The following CCDC201 variants were observed in gnomAD, a reference collection of about 807,000 sequenced individuals.
The protein encoded by CCDC201 is coiled-coil domain-containing protein 201.
intron 1 of CCDC201, among the ~76,000 whole-genome samples, chr7:45,871,433 T>C (rs1211410566): frequency 6.6e-6 from 1 of 152,132 alleles, no homozygotes; most frequent in African/African-American, 2.4e-5. Flanking sequence ...ATCACATTGT[T>C]CACCAAGATA....
At chr7:45,864,704 T>C (rs938287304) in intron 2 of CCDC201, among the ~76,000 whole-genome samples, 4 of 151,270 alleles carry the variant, frequency 2.6e-5, no homozygotes, top group East Asian at 2.0e-4. Context: ...CAAGCCAGGG[T>C]AAAGAACATG....
At chr7:45,873,671 A>G (rs1423407482), upstream of CCDC201, among the ~76,000 whole-genome samples, 1 of 152,222 alleles carries the variant, frequency 6.6e-6, no homozygotes. Flanking sequence ...CACGAATGAA[A>G]GGCAACACGT....
At chr7:45,860,707 G>C (rs553818820) in exon 3 of CCDC201, 2 of 152,188 alleles carry the variant, frequency 1.3e-5, no homozygotes, top group African/African-American at 4.8e-5. Context: ...CTGTCCCCAA[G>C]AATTTGGAAA....
At chr7:45,875,439 CAA>C (rs34636507), upstream of CCDC201, among the ~76,000 whole-genome samples, 8,656 of 104,942 alleles carry the variant, frequency 0.082, 234 homozygotes, top group African/African-American at 0.099. Context: ...AGGCTTCAGT[CAA>C]AAAAAAAAAA....
At chr7:45,869,819 A>ATTTT (rs113136055) in intron 1 of CCDC201, among the ~76,000 whole-genome samples, 1 of 140,794 alleles carries the variant, frequency 7.1e-6, no homozygotes, top group Non-Finnish European at 1.5e-5. Context: ...GTTGCTCCAC[A>ATTTT]TTTTTTTTTT....
chr7:45,879,855 G>A, the CCDC201 span, among the ~76,000 whole-genome samples: 1 of 152,234 alleles, frequency 6.6e-6, no homozygotes, highest in African/African-American at 2.4e-5. Flanking sequence ...GGAGGCTGAG[G>A]TAGGCAGATC....
At chr7:45,884,062 T>A in the CCDC201 span, among the ~76,000 whole-genome samples, 1 of 149,594 alleles carries the variant, frequency 6.7e-6, no homozygotes, top group Admixed American at 6.7e-5. Context: ...ATCTCTCTCC[T>A]TCCTCCCTTT....
the CCDC201 span, among the ~76,000 whole-genome samples, chr7:45,879,718 C>T: frequency 2.6e-5 from 4 of 152,158 alleles, no homozygotes. Context: ...GGACACAGAG[C>T]CAAACCATAT....
At chr7:45,879,100 A>G in the CCDC201 span, among the ~76,000 whole-genome samples, 1 of 152,264 alleles carries the variant, frequency 6.6e-6, no homozygotes, top group East Asian at 1.9e-4. Context: ...TCTCTGCTAA[A>G]GCATAGCAAG....
At chr7:45,870,653 T>C (rs987415250) in intron 1 of CCDC201, among the ~76,000 whole-genome samples, 4 of 151,930 alleles carry the variant, frequency 2.6e-5, no homozygotes, top group African/African-American at 9.7e-5. Context: ...CAACAGACAA[T>C]ACAGCATCAA....
At chr7:45,877,010 T>C (rs907821104), upstream of CCDC201, among the ~76,000 whole-genome samples, 2 of 152,206 alleles carry the variant, frequency 1.3e-5, no homozygotes, top group South Asian at 2.1e-4. Flanking sequence ...GTGGAAGTGG[T>C]GGCAGGATGA....
intron 1 of CCDC201, among the ~76,000 whole-genome samples, chr7:45,867,541 T>C (rs1214234999): frequency 2.6e-5 from 4 of 152,262 alleles, no homozygotes; most frequent in African/African-American, 7.2e-5. Context: ...CATTTCCTGA[T>C]GCATGCCTGC....
chr7:45,860,353 T>C (rs1786582659), exon 3 of CCDC201: 1 of 152,330 alleles, frequency 6.6e-6, no homozygotes, highest in African/African-American at 2.4e-5. Context: ...CTTCAGGCTA[T>C]CTGATGTGTA....
At chr7:45,878,885 T>C in the CCDC201 span, among the ~76,000 whole-genome samples, 1 of 152,256 alleles carries the variant, frequency 6.6e-6, no homozygotes, top group Non-Finnish European at 1.5e-5. Flanking sequence ...TTTTCCAAAC[T>C]TTTTCACTCT....
At chr7:45,877,937 G>C (rs1786833774), upstream of CCDC201, among the ~76,000 whole-genome samples, 8 of 152,194 alleles carry the variant, frequency 5.3e-5, no homozygotes, top group Admixed American at 5.2e-4. Flanking sequence ...CCTTGGGCCT[G>C]TAAAACCAAA....
chr7:45,878,563 C>T, the CCDC201 span, among the ~76,000 whole-genome samples: 1 of 152,240 alleles, frequency 6.6e-6, no homozygotes, highest in African/African-American at 2.4e-5. Context: ...GAAGCAATGG[C>T]CTGAGCAGTA....
At chr7:45,871,659 C>T (rs1786743991) in intron 1 of CCDC201, among the ~76,000 whole-genome samples, 3 of 152,272 alleles carry the variant, frequency 2.0e-5, no homozygotes. Context: ...AGATGAACCA[C>T]AATTTCTATA....
At chr7:45,880,584 C>A in the CCDC201 span, among the ~76,000 whole-genome samples, 34 of 152,332 alleles carry the variant, frequency 2.2e-4, no homozygotes, top group African/African-American at 7.7e-4. Context: ...GTGATGGGCA[C>A]GTTATATGCA....
upstream of CCDC201, among the ~76,000 whole-genome samples, chr7:45,875,570 A>G (rs139099257): frequency 4.7e-3 from 719 of 152,292 alleles, 12 homozygotes; most frequent in African/African-American, 0.016. Flanking sequence ...CTTTAACATC[A>G]CTTAATTGTT....
Sources: allele counts gnomAD v4.1 joint callset (sites outside exome capture counted in the v4.1 genomes callset), GRCh38; gene constraint gnomAD v4.1.1; transcripts MANE v1.5; gene names NCBI Gene and HGNC (gene_info 2026-07-23, HGNC 2026-07-21).